HEMK2: variants seen among roughly 807,000 people sequenced by gnomAD.
HEMK2 encodes HemK methyltransferase 2, ETF1 glutamine and histone H4 lysine.
chr21:28,694,553 T>C, the HEMK2 span, among the ~76,000 whole-genome samples: 1 of 152,216 alleles, frequency 6.6e-6, no homozygotes, highest in Admixed American at 6.5e-5. Context: ...CACTATCCTC[T>C]TTCTTCAACT....
chr21:28,704,599 G>T, the HEMK2 span, among the ~76,000 whole-genome samples: 1 of 151,616 alleles, frequency 6.6e-6, no homozygotes, highest in Non-Finnish European at 1.5e-5. Flanking sequence ...TTATACTAGG[G>T]TTATGAAATG....
the HEMK2 span, chr21:28,882,855 T>C: frequency 2.0e-6 from 1 of 501,974 alleles, no homozygotes; most frequent in Non-Finnish European, 3.4e-6. Flanking sequence ...TAGGGAAGCA[T>C]AGTTTGTAAT....
the HEMK2 span, among the ~76,000 whole-genome samples, chr21:28,734,824 A>G: frequency 6.6e-6 from 1 of 152,356 alleles, no homozygotes; most frequent in African/African-American, 2.4e-5. Flanking sequence ...CTTTATATCA[A>G]TGAGATATTG....
chr21:28,658,171 A>C, the HEMK2 span, among the ~76,000 whole-genome samples: 4 of 152,056 alleles, frequency 2.6e-5, no homozygotes, highest in African/African-American at 9.7e-5. Context: ...CTAACACCAA[A>C]ATAATAGGAC....
chr21:28,759,122 C>G, the HEMK2 span, among the ~76,000 whole-genome samples: 2 of 152,210 alleles, frequency 1.3e-5, no homozygotes, highest in African/African-American at 4.8e-5. Flanking sequence ...CCAGTGGGTC[C>G]TGCACTTGGT....
At chr21:28,878,817 C>T in the HEMK2 span, among the ~76,000 whole-genome samples, 2 of 151,148 alleles carry the variant, frequency 1.3e-5, no homozygotes, top group Non-Finnish European at 1.5e-5. Context: ...TTATAAGAGA[C>T]CTACTGTACA....
the HEMK2 span, among the ~76,000 whole-genome samples, chr21:28,835,024 TA>T: frequency 6.6e-6 from 1 of 152,090 alleles, no homozygotes; most frequent in Non-Finnish European, 1.5e-5. Context: ...CAGACAGGCC[TA>T]GCCCAGCTCC....
At chr21:28,827,916 A>G in the HEMK2 span, among the ~76,000 whole-genome samples, 1 of 152,212 alleles carries the variant, frequency 6.6e-6, no homozygotes, top group Non-Finnish European at 1.5e-5. Flanking sequence ...GCTCTGAGCC[A>G]GTATATATCA....
At chr21:28,642,770 C>CT in the HEMK2 span, among the ~76,000 whole-genome samples, 1 of 152,218 alleles carries the variant, frequency 6.6e-6, no homozygotes, top group Non-Finnish European at 1.5e-5. Flanking sequence ...CTGCCTCTAA[C>CT]TGTAGTCTCT....
At chr21:28,582,847 C>T in the HEMK2 span, among the ~76,000 whole-genome samples, 1 of 152,138 alleles carries the variant, frequency 6.6e-6, no homozygotes, top group African/African-American at 2.4e-5. Context: ...CAGCAAACCA[C>T]CTAAGGACTA....
At chr21:28,766,316 T>A in the HEMK2 span, among the ~76,000 whole-genome samples, 49,168 of 151,228 alleles carry the variant, frequency 0.33, 8,027 homozygotes, top group Middle Eastern at 0.45. Context: ...TTTTTTTTTT[T>A]TAAAAAAGAA....
the HEMK2 span, among the ~76,000 whole-genome samples, chr21:28,628,071 C>A: frequency 2.6e-5 from 4 of 152,178 alleles, no homozygotes; most frequent in Non-Finnish European, 5.9e-5. Flanking sequence ...TTCAATAAAT[C>A]TCTGCTTTTG....
chr21:28,818,457 T>C, the HEMK2 span, among the ~76,000 whole-genome samples: 38 of 152,132 alleles, frequency 2.5e-4, no homozygotes, highest in Non-Finnish European at 5.0e-4. Context: ...TATATGTATA[T>C]ATGTATAACC....
the HEMK2 span, among the ~76,000 whole-genome samples, chr21:28,786,336 G>C: frequency 6.6e-6 from 1 of 152,186 alleles, no homozygotes; most frequent in African/African-American, 2.4e-5. Flanking sequence ...GGTCAAGTCT[G>C]TTATCTTTAT....
the HEMK2 span, among the ~76,000 whole-genome samples, chr21:28,730,529 G>C: frequency 1.3e-5 from 2 of 152,074 alleles, no homozygotes; most frequent in Non-Finnish European, 2.9e-5. Flanking sequence ...CCACCTCAAG[G>C]CTCCACTGGA....
chr21:28,589,155 T>C, the HEMK2 span, among the ~76,000 whole-genome samples: 30 of 152,106 alleles, frequency 2.0e-4, no homozygotes, highest in Non-Finnish European at 3.7e-4. Flanking sequence ...ATCAGGCTGT[T>C]GAGGAGAGAG....
At chr21:28,763,892 G>C in the HEMK2 span, among the ~76,000 whole-genome samples, 1 of 150,584 alleles carries the variant, frequency 6.6e-6, no homozygotes, top group Non-Finnish European at 1.5e-5. Context: ...ACATGGAGCA[G>C]ACTAGGGAGT....
chr21:28,656,862 T>G, the HEMK2 span, among the ~76,000 whole-genome samples: 1 of 152,114 alleles, frequency 6.6e-6, no homozygotes, highest in Non-Finnish European at 1.5e-5. Flanking sequence ...TGTGTAACTT[T>G]GATAAATTAC....
At chr21:28,720,888 C>T in the HEMK2 span, among the ~76,000 whole-genome samples, 4 of 152,120 alleles carry the variant, frequency 2.6e-5, no homozygotes, top group Non-Finnish European at 2.9e-5. Flanking sequence ...GAGCCCAACC[C>T]TATTGCTATG....
Sources: allele counts gnomAD v4.1 joint callset (sites outside exome capture counted in the v4.1 genomes callset), GRCh38; gene constraint gnomAD v4.1.1; transcripts MANE v1.5; gene names NCBI Gene and HGNC (gene_info 2026-07-23, HGNC 2026-07-21).